ENAH: variants seen among roughly 807,000 people sequenced by gnomAD.
The protein encoded by ENAH is protein enabled homolog.
ENAH carries 23 observed loss-of-function variants against 78.7 expected under a neutral mutation model. The observed-to-expected ratio is 0.29, with a 90% CI of 0.21 to 0.41. The LOEUF (loss-of-function observed/expected upper bound fraction) is 0.41. Among genes scored for constraint, ENAH ranks in the 10% least tolerant of loss-of-function variants. ENAH has a pLI of 1.00. For missense variants in ENAH, 544 were observed against 691.0 expected (o/e 0.79, Z 2.39); for synonymous variants, 226 against 241.0 (o/e 0.94, Z 0.58).
chr1:225,603,019 A>G (rs541053960), intron 1 of ENAH, among the ~76,000 whole-genome samples: 2 of 152,248 alleles, frequency 1.3e-5, no homozygotes, highest in African/African-American at 2.4e-5. Context: ...AAAACATACT[A>G]TGAAGTATAG....
Position 225,512,659 on chromosome 1 carries a change from C to A in ENAH, c.1420G>T (p.Gly474Cys), listed in dbSNP as rs777349428. The change falls in exon 9 of 14, where the codon GGT becomes TGT. Residue 474 changes from glycine to cysteine, a missense_variant and splice_region_variant. Around this residue, in one of 4 missense-constraint regions of ENAH, gnomAD observed 97 missense variants for 124.4 expected, o/e 0.78. Transcript: ENST00000366843. ...GTAGACTATCTTTATTAACTTACAC[C>A]TTTGTCCTCTTTTTGTTCTGTTTCT... ...TIETEQKEDK[G>C]EDSEPVTSKA... The A allele has an allele frequency of 3.7e-6, 6 of 1,612,870 alleles. No homozygotes were observed. Among genetic ancestry groups the A allele is most frequent in the African/African-American group, 1.3e-5 (1 of 74,904 alleles).
intron 1 of ENAH, among the ~76,000 whole-genome samples, chr1:225,582,130 G>A (rs1302144259): frequency 2.0e-5 from 3 of 152,018 alleles, no homozygotes; most frequent in African/African-American, 7.3e-5. Context: ...TCCTTTGATA[G>A]TAAGTTCTCA....
At chr1:225,531,990 CAAATA>C (rs1249727156) in intron 3 of ENAH, among the ~76,000 whole-genome samples, 1 of 149,958 alleles carries the variant, frequency 6.7e-6, no homozygotes, top group Non-Finnish European at 1.5e-5. Flanking sequence ...TTTTGAGAAC[CAAATA>C]AATATTATAA....
rs3050270 is a variant in ENAH at position 225,633,039 on chromosome 1, CT to C, written c.5+19646del. ...TGTTCCTTAAACTGTCACTCAAAGTCTTTTTTTTTTTTTTGAGATGGAGTCT... is the reference window on the plus strand; with the variant it reads ...TGTTCCTTAAACTGTCACTCAAAGTCTTTTTTTTTTTTTGAGATGGAGTCT... On this transcript the variant is annotated intron_variant, in intron 1 of 13. Coordinates refer to ENST00000366843, the MANE Select transcript of ENAH (RefSeq NM_018212.6). Among the ~76,000 whole-genome samples the C allele has an allele frequency of 6.2e-3, 874 of 141,588 alleles. 9 individuals carry two copies. The highest frequency in any genetic ancestry group is 0.05 in the East Asian group (249 of 4,944). 92.9% of individuals were successfully genotyped at this position (141,588 alleles called of 152,430 possible). A position where few individuals can be genotyped will look rare whatever the true frequency, so the allele number is the denominator to read the frequency against.
chr1:225,512,008 A>G, intron 9 of ENAH, 149 bp from the exon 10 acceptor site: 1 of 530,038 alleles, frequency 1.9e-6, no homozygotes, highest in South Asian at 3.3e-5. Flanking sequence ...TTCAGCTTAG[A>G]CTTTCTTCTC....
chr1:225,542,926 G>A (rs2096596566), intron 3 of ENAH, among the ~76,000 whole-genome samples: 1 of 152,000 alleles, frequency 6.6e-6, no homozygotes, highest in African/African-American at 2.4e-5. Flanking sequence ...GGCTGAGGCA[G>A]GAGGATCCTT....
chr1:225,598,845 T>C (rs1558883377), intron 1 of ENAH, among the ~76,000 whole-genome samples: 1 of 147,924 alleles, frequency 6.8e-6, no homozygotes, highest in African/African-American at 2.6e-5. Flanking sequence ...TAATATTTGA[T>C]TCAGGCAAAA....
chr1:225,561,981 C>A (rs138214490), intron 2 of ENAH, among the ~76,000 whole-genome samples: 1 of 152,138 alleles, frequency 6.6e-6, no homozygotes, highest in Admixed American at 6.6e-5. Flanking sequence ...ACACTTATCA[C>A]AACTGAAACA....
chr1:225,568,770 T>C (rs2096747153), intron 1 of ENAH, among the ~76,000 whole-genome samples: 1 of 152,230 alleles, frequency 6.6e-6, no homozygotes, highest in Admixed American at 6.5e-5. Flanking sequence ...TGGCATGTGT[T>C]TTATTCTTGT....
At chr1:225,630,237 AT>A (rs200122217) in intron 1 of ENAH, among the ~76,000 whole-genome samples, 20 of 149,462 alleles carry the variant, frequency 1.3e-4, no homozygotes, top group South Asian at 2.3e-4. Flanking sequence ...ACAGAAAGTA[AT>A]TTTTTTTTTA....
At chr1:225,551,608 C>T (rs936106958) in intron 3 of ENAH, among the ~76,000 whole-genome samples, 3 of 152,066 alleles carry the variant, frequency 2.0e-5, no homozygotes, top group Admixed American at 2.0e-4. Context: ...TCCATTTATA[C>T]ACTGAACTAC....
intron 1 of ENAH, among the ~76,000 whole-genome samples, chr1:225,578,816 G>A (rs2096800631): frequency 6.6e-6 from 1 of 152,132 alleles, no homozygotes; most frequent in Non-Finnish European, 1.5e-5. Context: ...ATCTAATAGA[G>A]ACTAACAGCT....
intron 1 of ENAH, among the ~76,000 whole-genome samples, chr1:225,607,535 A>AAC (rs1177847397): frequency 1.4e-5 from 2 of 144,178 alleles, no homozygotes. Context: ...AAAAAAAAAC[A>AAC]CCTGGTTGAA....
At chr1:225,590,707 C>G (rs542233396) in intron 1 of ENAH, among the ~76,000 whole-genome samples, 2 of 152,230 alleles carry the variant, frequency 1.3e-5, no homozygotes, top group Non-Finnish European at 2.9e-5. Context: ...CAGTCTCCAG[C>G]CCTGTCAATT....
chr1:225,646,813 A>C (rs1374636199), intron 1 of ENAH, among the ~76,000 whole-genome samples: 1 of 151,942 alleles, frequency 6.6e-6, no homozygotes, highest in Admixed American at 6.6e-5. Context: ...AAAAATAAAA[A>C]ATAATTTTCT....
chr1:225,571,853 A>G lies in ENAH; in HGVS notation c.6-4439T>C, dbSNP rs148679230. ...GAGTCGCACTTGGAAAGGGCAGGAA[A>G]AGACTCAACCCCCGCACCCTCACAC... On this transcript the variant is annotated intron_variant, in intron 1 of 13. Coordinates refer to ENST00000366843, the MANE Select transcript of ENAH (RefSeq NM_018212.6). 2.2e-3 allele frequency among the ~76,000 whole-genome samples: 337 copies of G among 152,246 alleles called. 1 individual carries two copies. Among genetic ancestry groups the G allele is most frequent in the African/African-American group, 7.7e-3 (320 of 41,528 alleles).
intron 1 of ENAH, among the ~76,000 whole-genome samples, chr1:225,580,912 C>CAAAAAAAAAAAA (rs78529288): frequency 4.2e-4 from 27 of 63,692 alleles, no homozygotes; most frequent in Admixed American, 7.5e-4. Flanking sequence ...AGAAAAAAAC[C>CAAAAAAAAAAAA]AAAAAAAAAA....
In ENAH at chr1:225,496,871, T is replaced by C. The variant is rs1186359224; in HGVS notation, c.*904A>G. 6.6e-6 allele frequency: 1 copy of C among 152,636 alleles called. No individual in the cohort carries two copies. Among genetic ancestry groups the C allele is most frequent in the African/African-American group, 2.4e-5 (1 of 41,450 alleles). The allele number at this position is 152,636 out of a possible 1,614,324, so 9.5% of individuals were successfully genotyped here. On this transcript the variant is annotated 3_prime_UTR_variant, in exon 14 of 14. Coordinates refer to ENST00000366843, the MANE Select transcript of ENAH (RefSeq NM_018212.6). The stretch of plus-strand genomic sequence containing the variant: ...TAGGCCTTGAAAAGGCCACTACATA[T>C]TAGTGTGACATGCATTACTGTCTGC...
chr1:225,649,452 A>G (rs1455678868), intron 1 of ENAH, among the ~76,000 whole-genome samples: 1 of 152,194 alleles, frequency 6.6e-6, no homozygotes, highest in Non-Finnish European at 1.5e-5. Context: ...AATGCACTTA[A>G]AAGGCACACA....
Sources: gnomAD v4.1 joint callset for allele counts (sites outside exome capture counted in the v4.1 genomes callset) on GRCh38, gnomAD v4.1.1 for gene constraint, gnomAD v4.1.1 regional missense constraint, MANE v1.5 for transcripts, NCBI Gene and HGNC (gene_info 2026-07-23, HGNC 2026-07-21) for gene names.